EVI5L: variants seen among roughly 807,000 people sequenced by gnomAD.
EVI5L encodes EVI5-like protein.
In EVI5L, 30 loss-of-function variants were observed where a neutral mutation model predicts 106.1. The ratio of observed to expected loss-of-function variants is 0.28; its 90% CI spans 0.21 to 0.38. The LOEUF is 0.38. EVI5L is among the 10% of genes least tolerant of loss of function. The pLI is 1.00. For synonymous variants in EVI5L, 489 were observed against 483.3 expected (o/e 1.01, Z -0.15); for missense variants, 809 against 1,098.0 (o/e 0.74, Z 3.72).
chr19:7,852,940 A>T, intron 8 of EVI5L, 146 bp from the exon 9 acceptor site: 1 of 729,374 alleles, frequency 1.4e-6, no homozygotes, highest in Non-Finnish European at 2.3e-6. Flanking sequence ...CCATTGCTCC[A>T]CAAACACTGA....
intron 8 of EVI5L, 39 bp downstream of exon 8, chr19:7,851,809 A>G (rs72992190): frequency 7.5e-4 from 1,103 of 1,469,680 alleles, no homozygotes; most frequent in African/African-American, 1.3e-3. Context: ...GCTGCCCCCA[A>G]TCAGGGGCTT....
chr19:7,853,212 TG>T (rs1314435399), intron 9 of EVI5L, 29 bp downstream of exon 9: 2 of 1,613,934 alleles, frequency 1.2e-6, no homozygotes, highest in Non-Finnish European at 1.7e-6. Flanking sequence ...ACCAGGGTAC[TG>T]GTAAGAAGGG....
rs1979556185 is a variant in EVI5L, at chr19:7,856,951, T to G, written c.1201-141T>G. On this transcript the variant is annotated intron_variant, in intron 11 of 19. Coordinates refer to ENST00000538904, the MANE Select transcript of EVI5L (RefSeq NM_001159944.3). This position sits in a 1 kb window ranked among gnomAD's most constrained non-coding sequence, Gnocchi z 6.6. The stretch of plus-strand genomic sequence containing the variant: ...GGGTCCTCTCCTGCTGGTTCTCTGG[T>G]CTTCCCTCCTCTCTCCCCCGCTTCT... 1.2e-6 allele frequency: 1 copy of G among 859,136 alleles called. No individual in the cohort carries two copies. Among genetic ancestry groups the G allele is most frequent in the Non-Finnish European group, 1.9e-6 (1 of 523,612 alleles). The allele number at this position is 859,136 out of a possible 1,614,324, so 53.2% of individuals were successfully genotyped here.
chr19:7,857,241 G>T lies in EVI5L; in HGVS notation c.1233+117G>T. The T allele has an allele frequency of 7.2e-7, 1 of 1,390,932 alleles. No individual in the cohort carries two copies. Among genetic ancestry groups the T allele is most frequent in the Non-Finnish European group, 1.0e-6 (1 of 1,003,360 alleles). 86.2% of individuals were successfully genotyped at this position (1,390,932 alleles called of 1,614,324 possible). On this transcript the variant is annotated intron_variant, in intron 12 of 19. Transcript: ENST00000538904. The surrounding 1 kb of genome is among the most constrained non-coding windows in gnomAD (Gnocchi z 4.5). ...ATTCTGCGGGCAGGCCTGGCGCCAT[G>T]CATGGAGCAGCTGGGGACCGCTTCT...
Position 7,863,664 on chromosome 19 carries a change from G to T in EVI5L, c.2380G>T (p.Glu794Ter). Residue 794 changes from glutamate to a stop codon, truncating the protein, a stop_gained, in exon 20 of 20, where the codon GAG becomes TAG. Coordinates refer to ENST00000538904, the MANE Select transcript of EVI5L (RefSeq NM_001159944.3). LOFTEE classifies it high-confidence loss of function. This position sits in a 1 kb window ranked among gnomAD's most constrained non-coding sequence, Gnocchi z 7.7. ...GGGCAGCTCAGACAGCGACGCCGATGAGCTGGCCGCGCCCTACAGCCAGGG... is the reference window on the plus strand; with the variant it reads ...GGGCAGCTCAGACAGCGACGCCGATTAGCTGGCCGCGCCCTACAGCCAGGG... ...SEGSSDSDADELAAPYSQGLD... is the reference protein window; with the variant it reads ...SEGSSDSDAD 6.5e-7 allele frequency: 1 copy of T among 1,534,558 alleles called. No homozygotes were observed.
intron 2 of EVI5L, 129 bp from the exon 3 acceptor site, chr19:7,847,603 A>AT: frequency 2.1e-6 from 2 of 931,564 alleles, no homozygotes; most frequent in Non-Finnish European, 3.1e-6. Flanking sequence ...AAGAAAAAAA[A>AT]AAGAACAAGA....
rs1030282971 is a variant in EVI5L at position 7,830,253 on chromosome 19, C to A, written c.-176C>A. On this transcript the variant is annotated 5_prime_UTR_variant, in exon 1 of 20. Transcript: ENST00000538904. ...GAAATGGCAGCGGCGGAGCCGGCGG[C>A]GGCCGCGGTCCCGGGGGGCGGCTGA... is the stretch of plus-strand genomic sequence containing the variant. The A allele has an allele frequency of 7.3e-5, 11 of 151,346 alleles. No individual in the cohort carries two copies. Among genetic ancestry groups the A allele is most frequent in the African/African-American group, 2.2e-4 (9 of 41,120 alleles). The allele number at this position is 151,346 out of a possible 1,614,324, so 9.4% of individuals were successfully genotyped here. A position where few individuals can be genotyped will look rare whatever the true frequency, so the allele number is the denominator to read the frequency against.
intron 1 of EVI5L, among the ~76,000 whole-genome samples, chr19:7,838,198 T>A (rs1247105113): frequency 1.3e-5 from 2 of 151,798 alleles, no homozygotes; most frequent in African/African-American, 4.8e-5. Context: ...AACTTCCGCC[T>A]CCTGGGTTCA....
At position 7,849,277 on chromosome 19, in the gene EVI5L, G is replaced by C; in HGVS notation, c.574G>C (p.Glu192Gln). The C allele has an allele frequency of 6.2e-7, 1 of 1,614,210 alleles. No homozygotes were observed. Among genetic ancestry groups the C allele is most frequent in the Non-Finnish European group, 8.5e-7 (1 of 1,180,042 alleles). Residue 192 changes from glutamate (E) to glutamine (Q), a missense_variant, in exon 5 of 20, where the codon GAG (glutamate) becomes CAG (glutamine). By Grantham distance (29) the Glu-to-Gln change is conservative. Around this residue, in one of 2 missense-constraint regions of EVI5L, gnomAD observed 357 missense variants for 588.1 expected, o/e 0.61. Transcript: ENST00000538904. ...VMKAYSLVDREVGYCQGSAFI... is the reference protein window; with the variant it reads ...VMKAYSLVDRQVGYCQGSAFI... ...CTAGGCATACTCGCTGGTAGACCGG[G>C]AGGTGGGCTACTGCCAGGGAAGCGC...
rs1428513696 is a variant in EVI5L, at chr19:7,860,793, C to T, written c.1503+104C>T. 1.6e-5 allele frequency: 21 copies of T among 1,305,196 alleles called. 1 individual carries two copies. The highest frequency in any genetic ancestry group is 2.0e-5 in the Non-Finnish European group (19 of 972,464). 80.9% of individuals were successfully genotyped at this position (1,305,196 alleles called of 1,614,324 possible). A position where few individuals can be genotyped will look rare whatever the true frequency, so the allele number is the denominator to read the frequency against. ...ACCCCAGGTCAGAATCCCCCACCCC[C>T]ATGCACACACAACCATACATATGCA... On this transcript the variant is annotated intron_variant, in intron 14 of 19. Coordinates refer to ENST00000538904, the MANE Select transcript of EVI5L (RefSeq NM_001159944.3).
intron 10 of EVI5L, among the ~76,000 whole-genome samples, chr19:7,854,954 C>T (rs1461669405): frequency 6.6e-6 from 1 of 152,158 alleles, no homozygotes; most frequent in Non-Finnish European, 1.5e-5. Flanking sequence ...GTGTGACCTG[C>T]AGTGTGGCAG....
chr19:7,858,292 G>C lies in EVI5L; in HGVS notation c.1335G>C (p.Gln445His). The C allele has an allele frequency of 6.5e-7, 1 of 1,550,272 alleles. No individual in the cohort carries two copies. Among genetic ancestry groups the C allele is most frequent in the Non-Finnish European group, 8.7e-7 (1 of 1,147,478 alleles). ...GCAGCTCGGCGGCCGAGGACCTGCA[G>C]AAGGCACAGAGCACCATCCGGCAGC... Reference protein sequence around the residue: ...QQCSSAAEDLQKAQSTIRQLQ... With the variant: ...QQCSSAAEDLHKAQSTIRQLQ... Residue 445 changes from glutamine (Q) to histidine (H), a missense_variant, in exon 13 of 20, where the codon CAG becomes CAC. Transcript: ENST00000538904. This position sits in a 1 kb window ranked among gnomAD's most constrained non-coding sequence, Gnocchi z 5.7.
At position 7,858,216 on chromosome 19, in the gene EVI5L, C is replaced by T. The variant is rs1348950414; in HGVS notation, c.1259C>T (p.Ala420Val). 1.3e-6 allele frequency: 2 copies of T among 1,567,202 alleles called. No homozygotes were observed. Among genetic ancestry groups the T allele is most frequent in the East Asian group, 2.3e-5 (1 of 42,554 alleles). Residue 420 changes from alanine to valine, a missense_variant, in exon 13 of 20, where the codon GCG becomes GTG. Ala to Val is a moderately conservative substitution (Grantham distance 64). Around this residue, in one of 2 missense-constraint regions of EVI5L, gnomAD observed 357 missense variants for 588.1 expected, o/e 0.61. Transcript: ENST00000538904. The surrounding 1 kb of genome is among the most constrained non-coding windows in gnomAD (Gnocchi z 5.7). ...GGGCAAGTGACACGGGCGCAGGAGGCGGAGGAGAACTACGTCATCAAGCGG... is the reference window on the plus strand; with the variant it reads ...GGGCAAGTGACACGGGCGCAGGAGGTGGAGGAGAACTACGTCATCAAGCGG... ...IQGQVTRAQE[A>V]EENYVIKREL...
intron 1 of EVI5L, among the ~76,000 whole-genome samples, chr19:7,836,314 G>T (rs776683261): frequency 1.1e-4 from 17 of 152,206 alleles, no homozygotes; most frequent in Non-Finnish European, 2.4e-4. Flanking sequence ...GGTCTTCATT[G>T]CTGTCTCTGA....
In EVI5L at chr19:7,848,746, G is replaced by A. The variant is rs545109600; in HGVS notation, c.328-175G>A. Among the ~76,000 whole-genome samples, 1 of 152,306 alleles carries A rather than the reference G, an allele frequency of 6.6e-6. No homozygotes were observed. The highest frequency in any genetic ancestry group is 2.4e-5 in the African/African-American group (1 of 41,566). On this transcript the variant is annotated intron_variant, in intron 3 of 19. Coordinates refer to ENST00000538904, the MANE Select transcript of EVI5L (RefSeq NM_001159944.3). This position sits in a 1 kb window ranked among gnomAD's most constrained non-coding sequence, Gnocchi z 4.8. ...ATCGCACCACTGCACTCCAGCCTGG[G>A]TGACAGAGGGAGACCCTGTCTCTGA...
rs1456057859 is a variant in EVI5L, at chr19:7,847,880, G to A, written c.286G>A (p.Glu96Lys). The A allele has an allele frequency of 6.3e-7, 1 of 1,580,248 alleles. No individual in the cohort carries two copies. The highest frequency in any genetic ancestry group is 1.1e-5 in the South Asian group (1 of 87,482). The change falls in exon 3 of 20, where the codon GAG (glutamate) becomes AAG (lysine). Residue 96 changes from glutamate to lysine, a missense_variant. Transcript: ENST00000538904. ...GATCCTGTGGGGCCGGATCGCCAAC[G>A]AGTGGGAGGAGTGGCGGCGCAGGAA... Reference protein sequence around the residue: ...TWILWGRIANEWEEWRRRKEK... With the variant: ...TWILWGRIANKWEEWRRRKEK...
Position 7,853,686 on chromosome 19 carries a change from G to A in EVI5L, c.1146+353G>A, listed in dbSNP as rs567322571. On this transcript the variant is annotated intron_variant, in intron 10 of 19. Transcript: ENST00000538904. ...CAAGGCTGACTTGGGCAGAGGCTCCGGGCCCAGGGTGTCGAGGGCTAAAGG... is the reference window on the plus strand; with the variant it reads ...CAAGGCTGACTTGGGCAGAGGCTCCAGGCCCAGGGTGTCGAGGGCTAAAGG... The A allele has an allele frequency of 2.4e-4, 81 of 338,412 alleles. 1 individual carries two copies. Among genetic ancestry groups the A allele is most frequent in the Middle Eastern group, 2.0e-3 (2 of 1,018 alleles). 21.0% of individuals were successfully genotyped at this position (338,412 alleles called of 1,614,324 possible). A position where few individuals can be genotyped will look rare whatever the true frequency, so the allele number is the denominator to read the frequency against.
intron 1 of EVI5L, among the ~76,000 whole-genome samples, chr19:7,841,825 T>G (rs1233297629): frequency 6.6e-6 from 1 of 152,148 alleles, no homozygotes; most frequent in Non-Finnish European, 1.5e-5. Flanking sequence ...GCCTAGACAG[T>G]GGCCGGCCCT....
Position 7,847,778 on chromosome 19 carries a change from C to A in EVI5L, c.184C>A (p.Arg62=), listed in dbSNP as rs370414994. 9.9e-6 allele frequency: 16 copies of A among 1,613,142 alleles called. No homozygotes were observed. The African/African-American group carries it at 1.1e-4, about 11-fold the overall frequency. Residue 62 remains arginine (R), a synonymous_variant, in exon 3 of 20, where the codon CGG becomes AGG. Coordinates refer to ENST00000538904, the MANE Select transcript of EVI5L (RefSeq NM_001159944.3). ...GTCCATGCGCTCCATGAATGGCTCG[C>A]GGCGGAACAGTGGCTCCTCGCTAGT... ...SKSMRSMNGS[R]RNSGSSLVSS... is the part of the protein sequence containing the mutation.
Sources: allele counts gnomAD v4.1 joint callset (sites outside exome capture counted in the v4.1 genomes callset), GRCh38; gene constraint gnomAD v4.1.1; regional missense constraint gnomAD v4.1.1; non-coding constraint Gnocchi (gnomAD v3.1); transcripts MANE v1.5; gene names NCBI Gene and HGNC (gene_info 2026-07-23, HGNC 2026-07-21).